Variants in UGT1A9 observed in about 807,000 individuals in gnomAD.
UGT1A9 encodes UDP-glucuronosyltransferase 1A9.
A neutral mutation model predicts 45.0 loss-of-function variants in UGT1A9; 35 were observed. That is an observed-to-expected ratio of 0.78 (90% CI 0.59 to 1.03). The LOEUF is 1.03. UGT1A9 is among the 50% of genes least tolerant of loss of function. The pLI is 0.00. For synonymous variants in UGT1A9, 278 were observed against 250.6 expected (o/e 1.11, Z -1.03); for missense variants, 687 against 666.6 (o/e 1.03, Z -0.34).
intron 1 of UGT1A9, among the ~76,000 whole-genome samples, chr2:233,726,716 T>C (rs546308876): frequency 1.3e-5 from 2 of 152,344 alleles, no homozygotes; most frequent in East Asian, 3.9e-4. Flanking sequence ...TTTGAGGAAG[T>C]ACAATGTAGA....
At chr2:233,717,004 T>C (rs549183573) in intron 1 of UGT1A9, among the ~76,000 whole-genome samples, 2 of 152,292 alleles carry the variant, frequency 1.3e-5, no homozygotes, top group East Asian at 1.9e-4. Context: ...AGGGCCCCTA[T>C]GTCTCTGAAG....
At chr2:233,688,952 G>A (rs2074921038) in intron 1 of UGT1A9, among the ~76,000 whole-genome samples, 1 of 152,180 alleles carries the variant, frequency 6.6e-6, no homozygotes, top group Non-Finnish European at 1.5e-5. Flanking sequence ...GAAGCCAAAT[G>A]TTTGGAATCA....
At chr2:233,699,548 C>A (rs2075512161) in intron 1 of UGT1A9, among the ~76,000 whole-genome samples, 1 of 152,204 alleles carries the variant, frequency 6.6e-6, no homozygotes, top group Non-Finnish European at 1.5e-5. Context: ...CATCATAGAG[C>A]CAGGTCATGG....
chr2:233,755,294 G>A, intron 1 of UGT1A9: 1 of 630,960 alleles, frequency 1.6e-6, no homozygotes. Flanking sequence ...GAGCCTGCGG[G>A]GCACTGGCAC....
chr2:233,675,068 T>C (rs549929668), intron 1 of UGT1A9, among the ~76,000 whole-genome samples: 4 of 152,308 alleles, frequency 2.6e-5, no homozygotes, highest in African/African-American at 9.6e-5. Context: ...GGTGTGTTTG[T>C]GTGCAGTGTC....
At chr2:233,729,260 G>A (rs774974731) in intron 1 of UGT1A9, 12 of 1,613,974 alleles carry the variant, frequency 7.4e-6, no homozygotes, top group East Asian at 4.5e-5. Context: ...CTCAGCATGC[G>A]GGAGGTCTTG....
At chr2:233,711,602 G>C (rs764299544) in intron 1 of UGT1A9, among the ~76,000 whole-genome samples, 3 of 152,140 alleles carry the variant, frequency 2.0e-5, no homozygotes, top group Non-Finnish European at 4.4e-5. Context: ...TCCTGCCTGC[G>C]CCCTCTGGTG....
intron 1 of UGT1A9, among the ~76,000 whole-genome samples, chr2:233,715,359 C>T (rs750728220): frequency 1.3e-5 from 2 of 150,138 alleles, no homozygotes; most frequent in Admixed American, 1.3e-4. Flanking sequence ...AGGTTTGAGA[C>T]TTATATTTTC....
At chr2:233,698,827 G>T (rs2125576939) in intron 1 of UGT1A9, among the ~76,000 whole-genome samples, 1 of 152,348 alleles carries the variant, frequency 6.6e-6, no homozygotes, top group African/African-American at 2.4e-5. Flanking sequence ...GAAGAGTAAG[G>T]CAGGATCACT....
chr2:233,758,598 G>T (rs1696919862), intron 1 of UGT1A9, among the ~76,000 whole-genome samples: 1 of 152,158 alleles, frequency 6.6e-6, no homozygotes, highest in Admixed American at 6.5e-5. Flanking sequence ...GTGGGGAGGA[G>T]CTTCAGTGTG....
intron 2 of UGT1A9, 76 bp from the exon 3 acceptor site, chr2:233,767,773 C>G: frequency 6.2e-7 from 1 of 1,611,908 alleles, no homozygotes; most frequent in Admixed American, 1.7e-5. Flanking sequence ...CCCCTGTTTT[C>G]TAGTTAGTAT....
chr2:233,741,193 A>G (rs1392920189), intron 1 of UGT1A9, among the ~76,000 whole-genome samples: 1 of 151,910 alleles, frequency 6.6e-6, no homozygotes, highest in Non-Finnish European at 1.5e-5. Flanking sequence ...TTTGCTTTCA[A>G]CTGTTAAAAC....
At position 233,713,711 on chromosome 2, in the gene UGT1A9, G is replaced by C; in HGVS notation, c.855+40922G>C. 1.7e-5 allele frequency: 27 copies of C among 1,613,928 alleles called. No individual in the cohort carries two copies. Among genetic ancestry groups the C allele is most frequent in the Non-Finnish European group, 2.3e-5 (27 of 1,179,878 alleles). ...CAAGCCTTGCCTCTGAGCTTTTTCAGAGAGAGGTGTCAGTGGTGGATCTTG... is the reference window on the plus strand; with the variant it reads ...CAAGCCTTGCCTCTGAGCTTTTTCACAGAGAGGTGTCAGTGGTGGATCTTG... On this transcript the variant is annotated intron_variant, in intron 1 of 4. Coordinates refer to ENST00000354728, the MANE Select transcript of UGT1A9 (RefSeq NM_021027.3).
At chr2:233,725,138 T>G (rs1450596211) in intron 1 of UGT1A9, among the ~76,000 whole-genome samples, 3 of 132,684 alleles carry the variant, frequency 2.3e-5, no homozygotes, top group Middle Eastern at 3.7e-3. Flanking sequence ...ATGGCAGCAG[T>G]ACAGTCCAGC....
chr2:233,713,751 G>C, intron 1 of UGT1A9: 1 of 1,613,962 alleles, frequency 6.2e-7, no homozygotes, highest in South Asian at 1.1e-5. Flanking sequence ...CCATGCATCT[G>C]TGTGGCTGTT....
chr2:233,720,908 G>A (rs900265154), intron 1 of UGT1A9, among the ~76,000 whole-genome samples: 18 of 140,522 alleles, frequency 1.3e-4, no homozygotes, highest in African/African-American at 3.0e-4. Context: ...ATGAGGTTTC[G>A]CAATGTTAGC....
chr2:233,760,385 T>A (rs368348566), intron 1 of UGT1A9: 30 of 1,614,058 alleles, frequency 1.9e-5, no homozygotes, highest in Non-Finnish European at 2.5e-5. Flanking sequence ...ATACTGTTGA[T>A]CCCAGTGGAT....
At chr2:233,744,063 A>G (rs181200285) in intron 1 of UGT1A9, 66 of 569,246 alleles carry the variant, frequency 1.2e-4, no homozygotes, top group East Asian at 7.6e-4. Flanking sequence ...GTCGAGGCCT[A>G]TGAGCGCCTC....
chr2:233,720,612 AT>A (rs749616035), intron 1 of UGT1A9, among the ~76,000 whole-genome samples: 15 of 151,828 alleles, frequency 9.9e-5, no homozygotes, highest in Non-Finnish European at 2.1e-4. Context: ...AATACAGAAT[AT>A]TTGGGTTTCA....
Sources: gnomAD v4.1 joint callset for allele counts (sites outside exome capture counted in the v4.1 genomes callset) on GRCh38, gnomAD v4.1.1 for gene constraint, MANE v1.5 for transcripts, NCBI Gene and HGNC (gene_info 2026-07-23, HGNC 2026-07-21) for gene names.